SAMD5: variants seen among roughly 807,000 people sequenced by gnomAD.
The protein encoded by SAMD5 is sterile alpha motif domain-containing protein 5.
Under a neutral mutation model 11.3 loss-of-function variants are expected in SAMD5, and 13 were observed. That is an observed-to-expected ratio of 1.15 (90% confidence interval 0.75 to 1.83). The LOEUF (loss-of-function observed/expected upper bound fraction) is 1.83, where lower values mean the gene tolerates loss of function less well. Ranked by LOEUF, SAMD5 falls within the 40% of genes most tolerant of loss-of-function variation. The pLI is 0.00. For missense variants in SAMD5, 255 were observed against 239.1 expected, an observed-to-expected ratio of 1.07 and a Z score of -0.44; for synonymous variants, 129 against 111.3, an observed-to-expected ratio of 1.16 and a Z score of -1.00.
intron 1 of SAMD5, among the ~76,000 whole-genome samples, chr6:147,651,708 G>A (rs1245140785): frequency 6.6e-6 from 1 of 152,198 alleles, no homozygotes; most frequent in African/African-American, 2.4e-5. Context: ...AAGCCACCCG[G>A]TTTGAAGTAT....
At chr6:147,735,096 T>A (rs1265627275) in intron 1 of SAMD5, among the ~76,000 whole-genome samples, 1 of 152,234 alleles carries the variant, frequency 6.6e-6, no homozygotes, top group Non-Finnish European at 1.5e-5. Context: ...TAAATGTTTA[T>A]GAAATGAAAG....
At chr6:147,732,299 C>T (rs1368896265) in intron 1 of SAMD5, among the ~76,000 whole-genome samples, 1 of 152,152 alleles carries the variant, frequency 6.6e-6, no homozygotes, top group Non-Finnish European at 1.5e-5. Flanking sequence ...GAAAATCTTC[C>T]TCATATACAG....
At chr6:147,854,416 T>C in the SAMD5 span, among the ~76,000 whole-genome samples, 593 of 152,292 alleles carry the variant, frequency 3.9e-3, 6 homozygotes, top group African/African-American at 0.014. Flanking sequence ...TGGCCTGAGC[T>C]GATCTCTGTT....
At chr6:147,778,873 G>T in the SAMD5 span, among the ~76,000 whole-genome samples, 1 of 151,990 alleles carries the variant, frequency 6.6e-6, no homozygotes, top group Non-Finnish European at 1.5e-5. Context: ...AAATTGATGA[G>T]TACAGGATAA....
chr6:147,741,447 A>G (rs970710131), downstream of SAMD5: 2 of 152,168 alleles, frequency 1.3e-5, no homozygotes, highest in Non-Finnish European at 2.9e-5. Flanking sequence ...AGCATGTAAC[A>G]TGTTGGTTTT....
At position 147,565,195 on chromosome 6, in the gene SAMD5, T is replaced by C. The variant is rs368956321; in HGVS notation, c.*739T>C. On this transcript the variant is annotated 3_prime_UTR_variant, in exon 2 of 2. Transcript: ENST00000367474. The stretch of plus-strand genomic sequence containing the variant: ...TCAAGCAAGAGCTAGCTATTTTACT[T>C]CATAGCTAGTTTCTTGCACTCTGTG... 363 of 985,788 alleles carry C rather than the reference T, an allele frequency of 3.7e-4. 1 individual carries two copies. The African/African-American group carries it at 6.1e-3, about 16-fold the overall frequency. 61.1% of individuals were successfully genotyped at this position (985,788 alleles called of 1,614,324 possible).
the SAMD5 span, among the ~76,000 whole-genome samples, chr6:147,878,305 G>A: frequency 6.6e-6 from 1 of 151,634 alleles, no homozygotes; most frequent in Admixed American, 6.6e-5. Context: ...GGAATGAGAG[G>A]GCTCTCTGGA....
intron 1 of SAMD5, among the ~76,000 whole-genome samples, chr6:147,594,174 C>T (rs1301075170): frequency 6.6e-6 from 1 of 152,114 alleles, no homozygotes; most frequent in African/African-American, 2.4e-5. Context: ...TAAAGTGCAA[C>T]AATAAGCACT....
At chr6:147,827,065 C>G in the SAMD5 span, among the ~76,000 whole-genome samples, 19 of 152,232 alleles carry the variant, frequency 1.2e-4, no homozygotes, top group South Asian at 3.9e-3. Context: ...CTTCCTTGAT[C>G]AGGGAAAGGA....
chr6:147,774,841 A>G, the SAMD5 span, among the ~76,000 whole-genome samples: 2 of 152,114 alleles, frequency 1.3e-5, no homozygotes, highest in Admixed American at 6.6e-5. Context: ...TTACGGTTGA[A>G]TTTTAACCAA....
chr6:147,652,839 T>C (rs147772774), intron 1 of SAMD5, among the ~76,000 whole-genome samples: 13 of 152,352 alleles, frequency 8.5e-5, no homozygotes, highest in African/African-American at 3.1e-4. Flanking sequence ...TACTATTTAT[T>C]ATTTATTTAC....
the SAMD5 span, among the ~76,000 whole-genome samples, chr6:147,891,449 A>AG: frequency 6.6e-6 from 1 of 152,080 alleles, no homozygotes. Flanking sequence ...GTCTGTGTTG[A>AG]GGGGGGCCAT....
chr6:147,796,034 GT>G, the SAMD5 span, among the ~76,000 whole-genome samples: 3 of 146,796 alleles, frequency 2.0e-5, no homozygotes, highest in Non-Finnish European at 4.5e-5. Context: ...CACTCTGATG[GT>G]AGTTTCTTTT....
the SAMD5 span, among the ~76,000 whole-genome samples, chr6:147,902,832 C>T: frequency 1.3e-5 from 2 of 152,178 alleles, no homozygotes; most frequent in African/African-American, 4.8e-5. Context: ...GCCCTCTTAT[C>T]ACATTCTGAT....
At chr6:147,846,849 T>C in the SAMD5 span, among the ~76,000 whole-genome samples, 8 of 152,030 alleles carry the variant, frequency 5.3e-5, no homozygotes, top group African/African-American at 1.7e-4. Flanking sequence ...GTTAAGAGCT[T>C]TTTAAAAAGT....
chr6:147,824,886 G>C, the SAMD5 span, among the ~76,000 whole-genome samples: 19,280 of 152,140 alleles, frequency 0.13, 1,525 homozygotes, highest in East Asian at 0.33. Context: ...CAAAGCAATG[G>C]TGAGTGTGGT....
At chr6:147,806,641 TC>T in the SAMD5 span, among the ~76,000 whole-genome samples, 10 of 152,208 alleles carry the variant, frequency 6.6e-5, no homozygotes, top group East Asian at 1.4e-3. Context: ...CATTTTTCTT[TC>T]CCCCCATTTC....
chr6:147,807,420 A>T, the SAMD5 span, among the ~76,000 whole-genome samples: 1,111 of 152,332 alleles, frequency 7.3e-3, 16 homozygotes, highest in African/African-American at 0.025. Context: ...TCTGTTGTTT[A>T]AGCCACACAG....
the SAMD5 span, among the ~76,000 whole-genome samples, chr6:147,826,223 C>T: frequency 6.6e-6 from 1 of 152,186 alleles, no homozygotes; most frequent in Non-Finnish European, 1.5e-5. Context: ...GGTGGGCCTT[C>T]CAGTGAAGAG....
Sources: gnomAD v4.1 joint callset for allele counts (sites outside exome capture counted in the v4.1 genomes callset) on GRCh38, gnomAD v4.1.1 for gene constraint, MANE v1.5 for transcripts, NCBI Gene and HGNC (gene_info 2026-07-23, HGNC 2026-07-21) for gene names.